The following KBTBD3 variants were observed in gnomAD, a reference collection of about 807,000 sequenced individuals.
KBTBD3 encodes the protein kelch repeat and BTB domain containing 3, also known as kelch repeat and BTB domain-containing protein 3.
A neutral mutation model predicts 49.6 loss-of-function variants in KBTBD3; 38 were observed. The ratio of observed to expected loss-of-function variants is 0.77; its 90% CI spans 0.59 to 1.00. The LOEUF is 1.00. KBTBD3 is among the 50% of genes least tolerant of loss of function. The pLI, the probability that KBTBD3 is intolerant of heterozygous loss-of-function variation, is 0.00. For synonymous variants in KBTBD3, 214 were observed against 250.4 expected, an observed-to-expected ratio of 0.85 and a Z score of 1.37; for missense variants, 661 against 712.0, an observed-to-expected ratio of 0.93 and a Z score of 0.81.
chr11:106,058,731 G>GTTTTGT, intron 3 of KBTBD3, 134 bp downstream of exon 3: 1 of 657,562 alleles, frequency 1.5e-6, no homozygotes, highest in South Asian at 2.0e-5. Flanking sequence ...GCCTAATTAG[G>GTTTTGT]TTTTGTTTTT....
intron 2 of KBTBD3, among the ~76,000 whole-genome samples, chr11:106,062,324 A>T (rs1860718292): frequency 6.6e-6 from 1 of 152,176 alleles, no homozygotes; most frequent in Non-Finnish European, 1.5e-5. Flanking sequence ...CAAGAGAGAG[A>T]GACAGTGAAA....
At chr11:106,072,510 G>A (rs1860939048) in intron 2 of KBTBD3, among the ~76,000 whole-genome samples, 1 of 151,984 alleles carries the variant, frequency 6.6e-6, no homozygotes, top group South Asian at 2.1e-4. Flanking sequence ...ACACCTTCCT[G>A]CCCAAAACAC....
At chr11:106,060,347 CA>C (rs1025270521) in intron 2 of KBTBD3, among the ~76,000 whole-genome samples, 3 of 150,188 alleles carry the variant, frequency 2.0e-5, no homozygotes, top group African/African-American at 2.4e-5. Flanking sequence ...TTTTCCAAAA[CA>C]AAAAAAAAGT....
chr11:106,056,102 G>T (rs777498320), intron 3 of KBTBD3, among the ~76,000 whole-genome samples: 33 of 152,052 alleles, frequency 2.2e-4, no homozygotes, highest in Non-Finnish European at 3.7e-4. Context: ...CATGCATTGT[G>T]CACTTTTCTG....
chr11:106,055,868 C>T (rs1362561152), intron 3 of KBTBD3, among the ~76,000 whole-genome samples: 3 of 152,286 alleles, frequency 2.0e-5, no homozygotes, highest in South Asian at 4.2e-4. Flanking sequence ...TTATAATTTA[C>T]TATCGGCTTC....
intron 3 of KBTBD3, chr11:106,057,396 C>T (rs1363626373): frequency 1.3e-5 from 2 of 152,140 alleles, no homozygotes; most frequent in African/African-American, 4.8e-5. Flanking sequence ...ATTAAAATTG[C>T]TTCCACAAAT....
At chr11:106,058,058 C>G (rs1170552622) in intron 3 of KBTBD3, 1 of 398,194 alleles carries the variant, frequency 2.5e-6, no homozygotes, top group East Asian at 3.6e-5. Flanking sequence ...AAGACCTATA[C>G]GTTAAAAAAA....
chr11:106,071,008 T>C (rs562138026), intron 2 of KBTBD3, among the ~76,000 whole-genome samples: 8 of 152,252 alleles, frequency 5.3e-5, no homozygotes, highest in Middle Eastern at 3.4e-3. Context: ...ACTAGAATTA[T>C]GTATGCACCC....
At chr11:106,056,011 C>G (rs1388584464) in intron 3 of KBTBD3, among the ~76,000 whole-genome samples, 5 of 152,056 alleles carry the variant, frequency 3.3e-5, no homozygotes, top group Non-Finnish European at 7.4e-5. Context: ...TGTGTGATTC[C>G]TTTTCAATTT....
chr11:106,076,649 A>C lies in KBTBD3; in HGVS notation c.-155T>G, dbSNP rs915090267. 2.0e-5 allele frequency: 3 copies of C among 152,258 alleles called. No homozygotes were observed. The highest frequency in any genetic ancestry group is 7.2e-5 in the African/African-American group (3 of 41,454). The allele number at this position is 152,258 out of a possible 1,614,324, so 9.4% of individuals were successfully genotyped here. A position where few individuals can be genotyped will look rare whatever the true frequency, so the allele number is the denominator to read the frequency against. On this transcript the variant is annotated 5_prime_UTR_variant, in exon 2 of 4. Transcript: ENST00000531837. Reference sequence around the variant, plus strand: ...AACTTTTCCCTGGACCAAAACCTGCAGGGCACTTGGATCGCGTGGGCTTTC... The same window carrying C: ...AACTTTTCCCTGGACCAAAACCTGCCGGGCACTTGGATCGCGTGGGCTTTC...
At chr11:106,057,821 TC>T in intron 3 of KBTBD3, 2 of 368,912 alleles carry the variant, frequency 5.4e-6, no homozygotes, top group Non-Finnish European at 9.6e-6. Flanking sequence ...GACCCTCCTC[TC>T]CCCGTAATAC....
intron 3 of KBTBD3, chr11:106,057,794 A>C (rs1156830297): frequency 5.7e-6 from 2 of 350,282 alleles, no homozygotes; most frequent in Admixed American, 4.7e-5. Context: ...GGAGAGGATA[A>C]ATTTTTAAAT....
intron 2 of KBTBD3, among the ~76,000 whole-genome samples, chr11:106,063,111 G>A (rs1433641769): frequency 6.6e-6 from 1 of 152,228 alleles, no homozygotes; most frequent in East Asian, 1.9e-4. Flanking sequence ...ACCCTCTGTA[G>A]CCAGCCCTCT....
rs1024912549 is a variant in KBTBD3, at chr11:106,059,180, T to C, written c.-12-71A>G. On this transcript the variant is annotated intron_variant, in intron 2 of 3. Coordinates refer to ENST00000531837, the MANE Select transcript of KBTBD3 (RefSeq NM_198439.3). The stretch of plus-strand genomic sequence containing the variant: ...GTTTCAGACTCCAAAATTCGCCCTC[T>C]TGATGGCAAATACACAAAAATAACC... The C allele has an allele frequency of 6.6e-6, 5 of 755,504 alleles. No homozygotes were observed. In the African/African-American group the frequency reaches 7.5e-5, roughly 11 times the overall value. 46.8% of individuals were successfully genotyped at this position (755,504 alleles called of 1,614,324 possible). A position where few individuals can be genotyped will look rare whatever the true frequency, so the allele number is the denominator to read the frequency against.
chr11:106,060,035 G>A (rs532689641), intron 2 of KBTBD3, among the ~76,000 whole-genome samples: 1 of 152,292 alleles, frequency 6.6e-6, no homozygotes, highest in South Asian at 2.1e-4. Context: ...AATGGCAGCT[G>A]TGGCTGAAGC....
chr11:106,072,695 G>T lies in KBTBD3; in HGVS notation c.-13+3812C>A, dbSNP rs1686608298. Among the ~76,000 whole-genome samples, 3 of 152,104 alleles carry T rather than the reference G, an allele frequency of 2.0e-5. No homozygotes were observed. The South Asian group carries it at 6.2e-4, about 32-fold the overall frequency. The stretch of plus-strand genomic sequence containing the variant: ...GATAAAAGCAGAACGTTAAACTAAA[G>T]CTGTGCTCTGCCTGATCTGGGCTTT... On this transcript the variant is annotated intron_variant, in intron 2 of 3. Transcript: ENST00000531837.
chr11:106,064,606 G>A (rs561931427), intron 2 of KBTBD3, among the ~76,000 whole-genome samples: 26 of 152,074 alleles, frequency 1.7e-4, no homozygotes, highest in Admixed American at 1.3e-3. Flanking sequence ...AAAAGGGCAC[G>A]CAAAGCAGAT....
At chr11:106,059,134 T>C in intron 2 of KBTBD3, 25 bp from the exon 3 acceptor site, 2 of 1,345,048 alleles carry the variant, frequency 1.5e-6, no homozygotes, top group Non-Finnish European at 2.0e-6. Flanking sequence ...AAATCACCGA[T>C]GTAGTAGAGA....
At chr11:106,060,414 T>C (rs1336102900) in intron 2 of KBTBD3, among the ~76,000 whole-genome samples, 2 of 152,214 alleles carry the variant, frequency 1.3e-5, no homozygotes, top group Non-Finnish European at 2.9e-5. Context: ...AACATCTGGC[T>C]TAATGGAAGA....
Sources: gnomAD v4.1 joint callset for allele counts (sites outside exome capture counted in the v4.1 genomes callset) on GRCh38, gnomAD v4.1.1 for gene constraint, MANE v1.5 for transcripts, NCBI Gene and HGNC (gene_info 2026-07-23, HGNC 2026-07-21) for gene names.